Variants in CLEC4F observed in about 807,000 individuals in gnomAD.
CLEC4F encodes C-type lectin domain family 4 member F, also known as C-type (calcium dependent, carbohydrate-recognition domain) lectin, superfamily member 13.
A neutral mutation model predicts 53.4 loss-of-function variants in CLEC4F; 45 were observed. The observed-to-expected ratio is 0.84, with a 90% CI of 0.66 to 1.08. CLEC4F has a LOEUF of 1.08. CLEC4F is among the 50% of genes least tolerant of loss of function. CLEC4F has a pLI of 0.00. For missense variants in CLEC4F, 753 were observed against 698.2 expected, an observed-to-expected ratio of 1.08 and a Z score of -0.88; for synonymous variants, 245 against 257.5, an observed-to-expected ratio of 0.95 and a Z score of 0.46.
At chr2:70,810,375 T>C (rs1367695938) in intron 5 of CLEC4F, among the ~76,000 whole-genome samples, 2 of 152,066 alleles carry the variant, frequency 1.3e-5, no homozygotes, top group Non-Finnish European at 2.9e-5. Flanking sequence ...TCCCAGCACT[T>C]TGGGAGGCCA....
chr2:70,814,925 A>G (rs891388182), intron 4 of CLEC4F, among the ~76,000 whole-genome samples: 1 of 151,814 alleles, frequency 6.6e-6, no homozygotes, highest in Non-Finnish European at 1.5e-5. Flanking sequence ...GTGTGCCCCC[A>G]AAGTGGAGAA....
In CLEC4F at chr2:70,816,042, T is replaced by A; in HGVS notation, c.1339A>T (p.Thr447Ser). Residue 447 changes from threonine (T) to serine (S), a missense_variant, in exon 4 of 7, where the codon ACC becomes TCC. Thr to Ser is a moderately conservative substitution (Grantham distance 58). Coordinates refer to ENST00000272367, the MANE Select transcript of CLEC4F (RefSeq NM_173535.3). The part of the protein sequence containing the change: ...EIQQEQSRLK[T>S]LHVVITSQEQ... Reference sequence around the variant, plus strand: ...TGTGAAGTAATGACCACATGGAGGGTCTTCAGGCGACTCTGCTCCTGCTGG... The same window carrying A: ...TGTGAAGTAATGACCACATGGAGGGACTTCAGGCGACTCTGCTCCTGCTGG... 10 of 1,614,108 alleles carry A rather than the reference T, an allele frequency of 6.2e-6. No homozygotes were observed. Among genetic ancestry groups the A allele is most frequent in the Middle Eastern group, 1.6e-4 (1 of 6,062 alleles).
chr2:70,821,627 C>G (rs1553398057), upstream of CLEC4F, among the ~76,000 whole-genome samples: 4 of 152,162 alleles, frequency 2.6e-5, no homozygotes, highest in East Asian at 7.7e-4. Flanking sequence ...CTGTTTTTGT[C>G]CTTTACAATA....
At position 70,811,075 on chromosome 2, in the gene CLEC4F, C is replaced by T. The variant is rs1166057533; in HGVS notation, c.1540-1218G>A. ...AAAATATTTATTGCCATTCAGAAGA[C>T]ATGCAGCACCAACAAGTGTGTGTCT... On this transcript the variant is annotated intron_variant, in intron 5 of 6. Coordinates refer to ENST00000272367, the MANE Select transcript of CLEC4F (RefSeq NM_173535.3). 5.9e-6 allele frequency: 4 copies of T among 676,938 alleles called. No homozygotes were observed. The East Asian group carries it at 1.6e-4, about 26-fold the overall frequency. The allele number at this position is 676,938 out of a possible 1,614,324, so 41.9% of individuals were successfully genotyped here. A position where few individuals can be genotyped will look rare whatever the true frequency, so the allele number is the denominator to read the frequency against.
At chr2:70,817,914 A>G (rs1861449) in intron 3 of CLEC4F, among the ~76,000 whole-genome samples, 131,450 of 152,146 alleles carry the variant, frequency 0.86, 57,427 homozygotes, top group Non-Finnish European at 0.93. Flanking sequence ...AGGAGACCCC[A>G]CAGCCCCTTT....
At chr2:70,825,002 A>G (rs1677312366), upstream of CLEC4F, among the ~76,000 whole-genome samples, 1 of 152,190 alleles carries the variant, frequency 6.6e-6, no homozygotes, top group East Asian at 1.9e-4. Context: ...GAGTCAATAA[A>G]CTTGGCAAAC....
rs1198353012 is a variant in CLEC4F, at chr2:70,816,240, C to T, written c.1141G>A (p.Gly381Ser). The change falls in exon 4 of 7, where the codon GGT becomes AGT. Residue 381 changes from glycine to serine, a missense_variant. Coordinates refer to ENST00000272367, the MANE Select transcript of CLEC4F (RefSeq NM_173535.3). Reference protein sequence around the residue: ...TLNAQIQVLNGHMKNASREIQ... With the variant: ...TLNAQIQVLNSHMKNASREIQ... ...TCTCTGCTGGCATTTTTCATATGAC[C>T]ATTTAAGACCTGAATCTGGGCATTT... 6.2e-7 allele frequency: 1 copy of T among 1,614,030 alleles called. No individual in the cohort carries two copies. Among genetic ancestry groups the T allele is most frequent in the Non-Finnish European group, 8.5e-7 (1 of 1,180,034 alleles).
At chr2:70,812,890 C>T (rs984034465) in intron 4 of CLEC4F, among the ~76,000 whole-genome samples, 2 of 152,206 alleles carry the variant, frequency 1.3e-5, no homozygotes, top group Non-Finnish European at 2.9e-5. Context: ...CAACTCATTG[C>T]TATCACCTGA....
In CLEC4F at chr2:70,816,415, A is replaced by C; in HGVS notation, c.966T>G (p.Gly322=). 6.2e-7 allele frequency: 1 copy of C among 1,613,778 alleles called. No individual in the cohort carries two copies. The highest frequency in any genetic ancestry group is 8.5e-7 in the Non-Finnish European group (1 of 1,179,938). ...TTTCATCACCAGCTCTTTCCAAATG[A>C]CCTCTTAAGAACTGGATCTCAGCAC... ...NTSAEIQFLR[G]HLERAGDEIH... is the part of the protein sequence containing the mutation. The change falls in exon 4 of 7, where the codon GGT becomes GGG. Residue 322 remains glycine, a synonymous_variant. Transcript: ENST00000272367.
intron 5 of CLEC4F, chr2:70,810,732 A>T (rs532371837): frequency 7.6e-6 from 3 of 396,882 alleles, no homozygotes; most frequent in Non-Finnish European, 1.5e-5. Flanking sequence ...ATGTGTCTAA[A>T]ATGATATATA....
intron 5 of CLEC4F, chr2:70,811,329 G>C: frequency 1.0e-6 from 1 of 1,004,502 alleles, no homozygotes; most frequent in Non-Finnish European, 1.5e-6. Context: ...GGAGCAATCT[G>C]CTCTTATGTT....
chr2:70,812,532 C>A lies in CLEC4F; in HGVS notation c.1454G>T (p.Ser485Ile), dbSNP rs150657543. 1 of 1,614,190 alleles carries A rather than the reference C, an allele frequency of 6.2e-7. No individual in the cohort carries two copies. The highest frequency in any genetic ancestry group is 8.5e-7 in the Non-Finnish European group (1 of 1,180,022). Residue 485 changes from serine (S) to isoleucine (I), a missense_variant, in exon 5 of 7, where the codon AGT becomes ATT. Transcript: ENST00000272367. ...AGCCTCATGCCAAGACTTCTTGACA[C>A]TAGAAAAATAATATAAGCTTCCACC... ...FNGGSLYYFS[S>I]VKKSWHEAEQ...
intron 5 of CLEC4F, chr2:70,811,220 C>T (rs1676542069): frequency 2.5e-6 from 2 of 794,596 alleles, no homozygotes; most frequent in South Asian, 1.3e-5. Context: ...TGAAGTTTGA[C>T]AGCAAGTCCA....
At chr2:70,824,386 C>CA (rs1209263537), upstream of CLEC4F, among the ~76,000 whole-genome samples, 2 of 151,156 alleles carry the variant, frequency 1.3e-5, no homozygotes, top group South Asian at 2.1e-4. Context: ...ATGATCTTTT[C>CA]AAAAAAAATT....
chr2:70,823,171 T>G (rs115275132), upstream of CLEC4F, among the ~76,000 whole-genome samples: 1,330 of 152,208 alleles, frequency 8.7e-3, 25 homozygotes, highest in African/African-American at 0.03. Flanking sequence ...GGGCCCAATG[T>G]GTAGAGTGCA....
chr2:70,815,893 G>C, intron 4 of CLEC4F, 101 bp downstream of exon 4: 1 of 1,279,930 alleles, frequency 7.8e-7, no homozygotes, highest in Non-Finnish European at 1.1e-6. Flanking sequence ...ATTTGGTCAA[G>C]GAGATGCATG....
intron 4 of CLEC4F, 50 bp downstream of exon 4, chr2:70,815,944 C>G (rs1574375559): frequency 7.8e-6 from 12 of 1,545,124 alleles, no homozygotes; most frequent in South Asian, 1.2e-5. Flanking sequence ...AGACTCTACC[C>G]TCTCAAGAGA....
intron 4 of CLEC4F, among the ~76,000 whole-genome samples, chr2:70,813,492 CTT>C (rs202064809): frequency 0.013 from 1,946 of 148,244 alleles, 55 homozygotes; most frequent in African/African-American, 0.046. Flanking sequence ...CTCTTTCTTT[CTT>C]TTTCTTTCTT....
chr2:70,809,031 C>G lies in CLEC4F; in HGVS notation c.*240G>C, dbSNP rs113850787. ...GCTGAATTTGGACACAGTCTTCAGTCTGCCCATTCTTGTGCCGCCAGTTGT... is the reference window on the plus strand; with the variant it reads ...GCTGAATTTGGACACAGTCTTCAGTGTGCCCATTCTTGTGCCGCCAGTTGT... On this transcript the variant is annotated 3_prime_UTR_variant, in exon 7 of 7. Transcript: ENST00000272367. The G allele has an allele frequency of 3.2e-5, 48 of 1,487,204 alleles. No homozygotes were observed. In the African/African-American group the frequency reaches 5.4e-4, roughly 17 times the overall value. 92.1% of individuals were successfully genotyped at this position (1,487,204 alleles called of 1,614,324 possible).
Sources: gnomAD v4.1 joint callset for allele counts (sites outside exome capture counted in the v4.1 genomes callset) on GRCh38, gnomAD v4.1.1 for gene constraint, MANE v1.5 for transcripts, NCBI Gene and HGNC (gene_info 2026-07-23, HGNC 2026-07-21) for gene names.